Variants in DNAH6 observed in about 807,000 individuals in gnomAD.
DNAH6 encodes the protein dynein axonemal heavy chain 6.
In DNAH6, 340 loss-of-function variants were observed where a neutral mutation model predicts 491.4. That is an observed-to-expected ratio of 0.69 (90% CI 0.63 to 0.76). The LOEUF (loss-of-function observed/expected upper bound fraction) is 0.76. Ranked by LOEUF, DNAH6 falls within the 30% of genes least tolerant of loss-of-function variation. The probability of loss-of-function intolerance (pLI) is 0.00; values close to 1 mark genes in which losing one functional copy is unlikely to be tolerated. For missense variants in DNAH6, 4,443 were observed against 4,972.2 expected, an observed-to-expected ratio of 0.89 and a Z score of 3.20; for synonymous variants, 1,603 against 1,686.1, an observed-to-expected ratio of 0.95 and a Z score of 1.21.
chr2:84,495,997 G>A, the DNAH6 span, among the ~76,000 whole-genome samples: 22 of 152,234 alleles, frequency 1.4e-4, no homozygotes, highest in Non-Finnish European at 3.1e-4. Flanking sequence ...ATTAACTCCC[G>A]TATAAATTAT....
intron 42 of DNAH6, among the ~76,000 whole-genome samples, chr2:84,683,782 T>A (rs1694037844): frequency 6.6e-6 from 1 of 152,138 alleles, no homozygotes; most frequent in South Asian, 2.1e-4. Flanking sequence ...TTTTAATATC[T>A]GCAAAGTAGC....
chr2:84,769,571 G>A (rs927999118), intron 64 of DNAH6, among the ~76,000 whole-genome samples: 1 of 152,186 alleles, frequency 6.6e-6, no homozygotes, highest in African/African-American at 2.4e-5. Flanking sequence ...GTGCCATAGT[G>A]AACAGAAAAT....
rs536205406 is a variant in DNAH6 at position 84,621,332 on chromosome 2, G to T, written c.3934G>T (p.Val1312Leu). The change falls in exon 25 of 77, where the codon GTG becomes TTG. Residue 1312 changes from valine to leucine, a missense_variant. By Grantham distance (32) the Val-to-Leu change is conservative. This residue lies in a region of DNAH6 where 2,977 missense variants were observed against 3,296.6 expected (regional missense o/e 0.90). Coordinates refer to ENST00000389394, the MANE Select transcript of DNAH6 (RefSeq NM_001370.2). ...TCAGGGGAAACTGAGGACAGACTGG[G>T]TGGTTGCTGGCCACCCTTCTCAAGT... ...DYQGKLRTDW[V>L]VAGHPSQVIL... is the part of the protein sequence containing the mutation. 1.7e-3 allele frequency: 2,642 copies of T among 1,551,564 alleles called. 73 individuals are homozygous for T. The South Asian group carries it at 0.029, about 17-fold the overall frequency.
chr2:84,655,875 C>A (rs532481906), intron 35 of DNAH6, among the ~76,000 whole-genome samples: 2 of 152,198 alleles, frequency 1.3e-5, no homozygotes, highest in African/African-American at 4.8e-5. Flanking sequence ...TTGAAAAATG[C>A]ATAATGTCAC....
Position 84,549,897 on chromosome 2 carries a change from G to A in DNAH6, c.1325G>A (p.Arg442His), listed in dbSNP as rs145235960. 37 of 1,593,148 alleles carry A rather than the reference G, an allele frequency of 2.3e-5. No homozygotes were observed. Among genetic ancestry groups the A allele is most frequent in the Middle Eastern group, 1.7e-4 (1 of 5,988 alleles). Reference sequence around the variant, plus strand: ...TTTTTTTTCTTTTCAAGCTTTATTCGTCTAAACGACTATCTAATTGAGAAC... The same window carrying A: ...TTTTTTTTCTTTTCAAGCTTTATTCATCTAAACGACTATCTAATTGAGAAC... ...HYCMRLTCFI[R>H]LNDYLIENTM... Residue 442 changes from arginine (R) to histidine (H), a missense_variant, in exon 9 of 77, where the codon CGT becomes CAT. Around this residue, in one of 3 missense-constraint regions of DNAH6, gnomAD observed 2,977 missense variants for 3,296.6 expected, o/e 0.90. Coordinates refer to ENST00000389394, the MANE Select transcript of DNAH6 (RefSeq NM_001370.2).
the DNAH6 span, among the ~76,000 whole-genome samples, chr2:84,506,914 C>G: frequency 1.8e-4 from 28 of 152,144 alleles, no homozygotes; most frequent in African/African-American, 6.7e-4. Context: ...CTGTTCTGTT[C>G]CATTGGTCTA....
the DNAH6 span, among the ~76,000 whole-genome samples, chr2:84,463,422 T>A: frequency 6.6e-6 from 1 of 152,308 alleles, no homozygotes; most frequent in East Asian, 1.9e-4. Context: ...TTTATTACCG[T>A]GGATGAAAAT....
At chr2:84,666,016 A>G (rs1692090616) in intron 37 of DNAH6, among the ~76,000 whole-genome samples, 2 of 152,174 alleles carry the variant, frequency 1.3e-5, no homozygotes, top group Non-Finnish European at 2.9e-5. Flanking sequence ...GATTATCTCA[A>G]TAGATGCAGA....
chr2:84,585,229 T>C (rs901988952), intron 15 of DNAH6, among the ~76,000 whole-genome samples: 2 of 152,212 alleles, frequency 1.3e-5, no homozygotes, highest in African/African-American at 4.8e-5. Flanking sequence ...TAAACACATC[T>C]ATGTATCCAC....
the DNAH6 span, among the ~76,000 whole-genome samples, chr2:84,501,199 T>C: frequency 5.3e-5 from 8 of 152,208 alleles, no homozygotes; most frequent in Non-Finnish European, 8.8e-5. Flanking sequence ...AGATAGTTCA[T>C]TCTATCCCCA....
At chr2:84,533,587 T>C (rs1162519590) in intron 4 of DNAH6, among the ~76,000 whole-genome samples, 2 of 152,106 alleles carry the variant, frequency 1.3e-5, no homozygotes, top group Non-Finnish European at 2.9e-5. Flanking sequence ...TCTTATGATT[T>C]TACTAGTTGG....
Position 84,546,983 on chromosome 2 carries a change from A to C in DNAH6, c.931-285A>C, listed in dbSNP as rs146672277. On this transcript the variant is annotated intron_variant, in intron 5 of 76. Coordinates refer to ENST00000389394, the MANE Select transcript of DNAH6 (RefSeq NM_001370.2). ...ACCCAGTTTTCTATTACTTGCCCTC[A>C]GTTCCTTAAATCACTTGCCTTATTC... Among the ~76,000 whole-genome samples the C allele has an allele frequency of 1.8e-4, 27 of 152,334 alleles. No homozygotes were observed. In the East Asian group the frequency reaches 5.2e-3, roughly 29 times the overall value.
At chr2:84,815,292 G>T (rs1054072766) in intron 75 of DNAH6, among the ~76,000 whole-genome samples, 86 of 152,080 alleles carry the variant, frequency 5.7e-4, no homozygotes, top group Non-Finnish European at 1.2e-3. Context: ...CAGACGTGAG[G>T]CTCCAATTAT....
chr2:84,764,815 C>A (rs1193000288), intron 64 of DNAH6, among the ~76,000 whole-genome samples: 1 of 152,080 alleles, frequency 6.6e-6, no homozygotes, highest in Non-Finnish European at 1.5e-5. Context: ...TTTCCTTTAT[C>A]CAATCCACTG....
At chr2:84,470,583 G>A in the DNAH6 span, among the ~76,000 whole-genome samples, 2 of 152,128 alleles carry the variant, frequency 1.3e-5, no homozygotes, top group Admixed American at 6.5e-5. Flanking sequence ...AGTGACCTCT[G>A]GTCAGCTGGT....
Position 84,653,793 on chromosome 2 carries a change from A to C in DNAH6, c.5553A>C (p.Thr1851=). ...CTCTTTGGATTGAAAACATGAATAC[A>C]GTGCTGGATGATAACAAGATGCTTT... ...VDALWIENMN[T]VLDDNKMLCL... The change falls in exon 34 of 77, where the codon ACA becomes ACC. Residue 1851 remains threonine (T), a synonymous_variant. Transcript: ENST00000389394. 1 of 1,551,504 alleles carries C rather than the reference A, an allele frequency of 6.4e-7. No homozygotes were observed. The highest frequency in any genetic ancestry group is 8.7e-7 in the Non-Finnish European group (1 of 1,146,732).
intron 11 of DNAH6, among the ~76,000 whole-genome samples, chr2:84,564,703 T>C (rs1344790170): frequency 6.6e-6 from 1 of 152,204 alleles, no homozygotes; most frequent in Non-Finnish European, 1.5e-5. Context: ...ATGATTGCTC[T>C]GACTAGAACT....
At chr2:84,720,723 G>A (rs542120810) in intron 59 of DNAH6, among the ~76,000 whole-genome samples, 2 of 152,186 alleles carry the variant, frequency 1.3e-5, no homozygotes, top group South Asian at 4.1e-4. Context: ...CTGCTTTCGA[G>A]CTCCCAAAAT....
At chr2:84,467,163 TA>T in the DNAH6 span, among the ~76,000 whole-genome samples, 1 of 152,244 alleles carries the variant, frequency 6.6e-6, no homozygotes, top group Admixed American at 6.5e-5. Flanking sequence ...CTTTTACAAT[TA>T]ATGTTTCACA....
Sources: gnomAD v4.1 joint callset for allele counts (sites outside exome capture counted in the v4.1 genomes callset) on GRCh38, gnomAD v4.1.1 for gene constraint, gnomAD v4.1.1 regional missense constraint, MANE v1.5 for transcripts, NCBI Gene and HGNC (gene_info 2026-07-23, HGNC 2026-07-21) for gene names.